TRABD2B: variants seen among roughly 807,000 people sequenced by gnomAD.
TRABD2B encodes TraB domain containing 2B.
A neutral mutation model predicts 40.1 loss-of-function variants in TRABD2B; 14 were observed. The observed-to-expected ratio is 0.35, with a 90% confidence interval of 0.23 to 0.55. The LOEUF (loss-of-function observed/expected upper bound fraction) is 0.55, where lower values mean the gene tolerates loss of function less well. TRABD2B is among the 20% of genes least tolerant of loss of function. The pLI is 0.90. For synonymous variants in TRABD2B, 263 were observed against 277.0 expected (o/e 0.95, Z 0.50); for missense variants, 541 against 648.6 (o/e 0.83, Z 1.80).
intron 2 of TRABD2B, among the ~76,000 whole-genome samples, chr1:47,841,651 G>C (rs1645398618): frequency 6.6e-6 from 1 of 152,154 alleles, no homozygotes; most frequent in African/African-American, 2.4e-5. Flanking sequence ...CACAAGCCAG[G>C]GACTAATGAG....
At chr1:47,860,447 C>T (rs1307761678) in intron 2 of TRABD2B, among the ~76,000 whole-genome samples, 1 of 152,174 alleles carries the variant, frequency 6.6e-6, no homozygotes, top group Non-Finnish European at 1.5e-5. Context: ...GGACTGTACA[C>T]TCAGAAAACA....
In TRABD2B at chr1:47,775,251, C is replaced by A; in HGVS notation, c.1268G>T (p.Arg423Leu). 8.0e-7 allele frequency: 1 copy of A among 1,253,372 alleles called. No homozygotes were observed. The highest frequency in any genetic ancestry group is 1.5e-5 in the African/African-American group (1 of 65,092). 77.6% of individuals were successfully genotyped at this position (1,253,372 alleles called of 1,614,324 possible). ...CTGCCTCTTGTGCCACTTCCTCTGCCGGCCAAACTCCTCCAGCTGGCTGAG... is the reference window on the plus strand; with the variant it reads ...CTGCCTCTTGTGCCACTTCCTCTGCAGGCCAAACTCCTCCAGCTGGCTGAG... ...DSLSQLEEFG[R>L]QRKWHKRQST... Residue 423 changes from arginine (R) to leucine (L), a missense_variant, in exon 6 of 7, where the codon CGG becomes CTG. Arg to Leu is a moderately radical substitution (Grantham distance 102). Transcript: ENST00000606738.
intron 2 of TRABD2B, among the ~76,000 whole-genome samples, chr1:47,914,927 T>C (rs573536862): frequency 1.3e-5 from 2 of 152,248 alleles, no homozygotes; most frequent in Non-Finnish European, 2.9e-5. Context: ...GTGCTCTGGG[T>C]ATAGACCTGG....
chr1:47,772,057 G>A (rs1644384449), intron 6 of TRABD2B, among the ~76,000 whole-genome samples: 1 of 151,950 alleles, frequency 6.6e-6, no homozygotes, highest in Admixed American at 6.6e-5. Context: ...GGCACTGCGT[G>A]GAGGAAGGGA....
At chr1:47,916,732 G>T (rs181235943) in intron 2 of TRABD2B, among the ~76,000 whole-genome samples, 26 of 152,298 alleles carry the variant, frequency 1.7e-4, no homozygotes, top group Admixed American at 1.4e-3. Context: ...AGACTGGGGG[G>T]GCTTGCACCC....
At chr1:47,868,134 G>A (rs1195460059) in intron 2 of TRABD2B, among the ~76,000 whole-genome samples, 6 of 152,228 alleles carry the variant, frequency 3.9e-5, no homozygotes, top group African/African-American at 1.4e-4. Context: ...GAGCAACTCA[G>A]AAGTCCCAAA....
At chr1:47,992,530 C>T (rs1646026859) in intron 2 of TRABD2B, among the ~76,000 whole-genome samples, 1 of 152,170 alleles carries the variant, frequency 6.6e-6, no homozygotes, top group Admixed American at 6.5e-5. Flanking sequence ...GGATACCTCA[C>T]CTCCCCATCC....
intron 2 of TRABD2B, among the ~76,000 whole-genome samples, chr1:47,954,219 C>A (rs1645386307): frequency 6.6e-6 from 1 of 152,000 alleles, no homozygotes; most frequent in African/African-American, 2.4e-5. Flanking sequence ...GGGTATGTTC[C>A]CCAAATTGGA....
In TRABD2B at chr1:47,915,704, G is replaced by A. The variant is rs77561315; in HGVS notation, c.666+78330C>T. 1.3e-3 allele frequency among the ~76,000 whole-genome samples: 203 copies of A among 152,306 alleles called. 4 individuals carry two copies. In the East Asian group the frequency reaches 0.036, roughly 27 times the overall value. The stretch of plus-strand genomic sequence containing the variant: ...AAGGGCCAGGTCTTTGTGTCCAGCT[G>A]TTCATACAGAACCAGAACTCCCTGG... On this transcript the variant is annotated intron_variant, in intron 2 of 6. Coordinates refer to ENST00000606738, the MANE Select transcript of TRABD2B (RefSeq NM_001194986.2).
chr1:47,992,801 T>C (rs938544564), intron 2 of TRABD2B, among the ~76,000 whole-genome samples: 1 of 152,200 alleles, frequency 6.6e-6, no homozygotes, highest in Non-Finnish European at 1.5e-5. Flanking sequence ...CGTGACTAAC[T>C]GCCCCAATAC....
intron 2 of TRABD2B, among the ~76,000 whole-genome samples, chr1:47,898,069 C>T (rs1466631031): frequency 6.6e-6 from 1 of 152,122 alleles, no homozygotes; most frequent in Non-Finnish European, 1.5e-5. Flanking sequence ...AGAATACTGG[C>T]TCAGAACATT....
At chr1:47,930,954 G>A (rs1173540381) in intron 2 of TRABD2B, among the ~76,000 whole-genome samples, 1 of 152,094 alleles carries the variant, frequency 6.6e-6, no homozygotes, top group Non-Finnish European at 1.5e-5. Flanking sequence ...AAAAACCGTG[G>A]CCACCTTCAA....
chr1:47,992,885 C>T (rs1327175805), intron 2 of TRABD2B, among the ~76,000 whole-genome samples: 2 of 152,246 alleles, frequency 1.3e-5, no homozygotes, highest in South Asian at 4.1e-4. Flanking sequence ...ACAAACCCGC[C>T]TTTCATTTGG....
chr1:47,978,228 C>T (rs547562267), intron 2 of TRABD2B, among the ~76,000 whole-genome samples: 20 of 152,144 alleles, frequency 1.3e-4, no homozygotes, highest in Non-Finnish European at 2.2e-4. Flanking sequence ...TACACAGAGA[C>T]ATGGCACCAT....
At chr1:47,812,560 A>ACAG (rs1218054773) in intron 2 of TRABD2B, among the ~76,000 whole-genome samples, 4 of 151,074 alleles carry the variant, frequency 2.6e-5, no homozygotes, top group Non-Finnish European at 5.9e-5. Flanking sequence ...ATCTCTAAAA[A>ACAG]CAACAACAAA....
intron 2 of TRABD2B, among the ~76,000 whole-genome samples, chr1:47,908,396 A>G (rs1644706775): frequency 6.6e-6 from 1 of 152,234 alleles, no homozygotes; most frequent in Admixed American, 6.5e-5. Flanking sequence ...TTTTGCAATC[A>G]GATAATTGAT....
intron 2 of TRABD2B, among the ~76,000 whole-genome samples, chr1:47,823,285 C>T (rs961039560): frequency 6.6e-6 from 1 of 152,282 alleles, no homozygotes; most frequent in Non-Finnish European, 1.5e-5. Flanking sequence ...CACTGAAAGG[C>T]TGGTCCTCCG....
At chr1:47,879,611 G>C (rs1468174266) in intron 2 of TRABD2B, among the ~76,000 whole-genome samples, 9 of 152,242 alleles carry the variant, frequency 5.9e-5, no homozygotes, top group Admixed American at 5.9e-4. Context: ...AAATAGGTAA[G>C]AAAGCAATAC....
intron 4 of TRABD2B, among the ~76,000 whole-genome samples, chr1:47,787,063 C>T (rs1644606048): frequency 6.6e-6 from 1 of 152,122 alleles, no homozygotes; most frequent in African/African-American, 2.4e-5. Flanking sequence ...TCTTCTGTGC[C>T]CAGCTATGAG....
Sources: allele counts gnomAD v4.1 joint callset (sites outside exome capture counted in the v4.1 genomes callset), GRCh38; gene constraint gnomAD v4.1.1; transcripts MANE v1.5; gene names NCBI Gene and HGNC (gene_info 2026-07-23, HGNC 2026-07-21).